DIP2C: variants seen among roughly 807,000 people sequenced by gnomAD.
The protein encoded by DIP2C is DIP2 acetate--CoA ligase C (putative).
DIP2C carries 33 observed loss-of-function variants against 192.4 expected under a neutral mutation model. The observed-to-expected ratio is 0.17, with a 90% CI of 0.13 to 0.23. The LOEUF is 0.23. Ranked by LOEUF, DIP2C falls within the 10% of genes least tolerant of loss-of-function variation. The pLI, the probability that DIP2C is intolerant of heterozygous loss-of-function variation, is 1.00. For synonymous variants in DIP2C, 979 were observed against 864.1 expected (o/e 1.13, Z -2.33); for missense variants, 1,537 against 2,110.1 (o/e 0.73, Z 5.32).
intron 18 of DIP2C, among the ~76,000 whole-genome samples, chr10:369,232 C>A (rs1331071754): frequency 6.6e-6 from 1 of 152,182 alleles, no homozygotes; most frequent in East Asian, 1.9e-4. Flanking sequence ...CTGCACTGGC[C>A]CCGAAGCCTT....
rs192938928 is a variant in DIP2C at position 504,863 on chromosome 10, C to T, written c.86-18333G>A. ...TCATTGCATGTCAAACCCTCAGCTC[C>T]AGCGGTGCTGACCCCGTCATACTCA... On this transcript the variant is annotated intron_variant, in intron 1 of 36. Coordinates refer to ENST00000280886, the MANE Select transcript of DIP2C (RefSeq NM_014974.3). Among the ~76,000 whole-genome samples the T allele has an allele frequency of 6.4e-4, 98 of 152,330 alleles. 1 individual carries two copies. Among genetic ancestry groups the T allele is most frequent in the African/African-American group, 2.2e-3 (93 of 41,576 alleles).
chr10:369,885 G>T, intron 17 of DIP2C: 1 of 1,370,954 alleles, frequency 7.3e-7, no homozygotes, highest in Non-Finnish European at 9.5e-7. Context: ...TACCAACGCA[G>T]CTCCTCTCCT....
intron 22 of DIP2C, among the ~76,000 whole-genome samples, chr10:359,642 C>T (rs754709815): frequency 1.3e-5 from 2 of 152,160 alleles, no homozygotes; most frequent in Admixed American, 6.5e-5. Flanking sequence ...GGAGCTGCCC[C>T]GTGGTGGGAA....
intron 1 of DIP2C, among the ~76,000 whole-genome samples, chr10:609,116 T>TCTA (rs1255895249): frequency 2.6e-5 from 4 of 151,934 alleles, no homozygotes; most frequent in Admixed American, 2.6e-4. Context: ...GACTCGCAGT[T>TCTA]CTAAATTTAA....
chr10:642,564 T>C (rs939325532), intron 1 of DIP2C, among the ~76,000 whole-genome samples: 2 of 152,238 alleles, frequency 1.3e-5, no homozygotes, highest in Admixed American at 6.5e-5. Flanking sequence ...CAACTAGTGA[T>C]AAATATCACT....
intron 28 of DIP2C, among the ~76,000 whole-genome samples, chr10:343,273 A>G (rs1304495192): frequency 6.6e-6 from 1 of 152,218 alleles, no homozygotes; most frequent in Non-Finnish European, 1.5e-5. Context: ...TGGGCAACAG[A>G]GCAAGACTCC....
intron 1 of DIP2C, among the ~76,000 whole-genome samples, chr10:670,752 T>G (rs759867148): frequency 2.0e-5 from 3 of 152,224 alleles, no homozygotes; most frequent in Non-Finnish European, 4.4e-5. Flanking sequence ...GTCACAGTCC[T>G]GACAGCTTTA....
intron 32 of DIP2C, among the ~76,000 whole-genome samples, chr10:298,555 T>A (rs1287985656): frequency 6.6e-6 from 1 of 152,178 alleles, no homozygotes; most frequent in Non-Finnish European, 1.5e-5. Flanking sequence ...ACTGCTGGCC[T>A]CATGGAGGGC....
chr10:494,349 G>A (rs1012347974), intron 1 of DIP2C, among the ~76,000 whole-genome samples: 10 of 152,116 alleles, frequency 6.6e-5, no homozygotes, highest in Admixed American at 2.6e-4. Flanking sequence ...TCAGAGGCGC[G>A]CAGTGACCTC....
In DIP2C at chr10:536,451, A is replaced by C. The variant is rs186876636; in HGVS notation, c.86-49921T>G. On this transcript the variant is annotated intron_variant, in intron 1 of 36. Transcript: ENST00000280886. ...GGGACGTCACAGTCCCGGGGGCTAGAGTTGTATCTATCTGCAAAGACCCTG... is the reference window on the plus strand; with the variant it reads ...GGGACGTCACAGTCCCGGGGGCTAGCGTTGTATCTATCTGCAAAGACCCTG... 1.3e-4 allele frequency among the ~76,000 whole-genome samples: 20 copies of C among 152,090 alleles called. No homozygotes were observed. In the East Asian group the frequency reaches 3.9e-3, roughly 29 times the overall value.
At chr10:635,533 C>G (rs974301821) in intron 1 of DIP2C, among the ~76,000 whole-genome samples, 1 of 152,210 alleles carries the variant, frequency 6.6e-6, no homozygotes, top group African/African-American at 2.4e-5. Flanking sequence ...GGGGCCTGGG[C>G]GAGGGCCTGC....
At chr10:547,035 G>T (rs976060297) in intron 1 of DIP2C, among the ~76,000 whole-genome samples, 3 of 152,294 alleles carry the variant, frequency 2.0e-5, no homozygotes, top group African/African-American at 7.2e-5. Context: ...TGGAAGAAGC[G>T]GTTCTGCAGG....
intron 34 of DIP2C, among the ~76,000 whole-genome samples, chr10:285,812 G>A (rs968621486): frequency 1.3e-5 from 2 of 152,256 alleles, no homozygotes; most frequent in Admixed American, 1.3e-4. Context: ...AGGCAAAGGT[G>A]TCAAGTTCCA....
At chr10:404,860 G>A (rs373237414) in intron 9 of DIP2C, among the ~76,000 whole-genome samples, 17 of 152,178 alleles carry the variant, frequency 1.1e-4, no homozygotes, top group South Asian at 4.1e-4. Context: ...CAAACTATCC[G>A]AGGTTTACAC....
chr10:516,070 G>A (rs568664328), intron 1 of DIP2C, among the ~76,000 whole-genome samples: 4 of 151,294 alleles, frequency 2.6e-5, no homozygotes, highest in South Asian at 4.2e-4. Context: ...CCACTTCCAC[G>A]ACGAGAGGAA....
At chr10:438,418 A>C (rs191392425) in intron 4 of DIP2C, among the ~76,000 whole-genome samples, 30 of 152,376 alleles carry the variant, frequency 2.0e-4, no homozygotes, top group Admixed American at 6.5e-4. Flanking sequence ...AGTTACACAA[A>C]GAACACATAC....
chr10:626,458 A>ACCCTCCGTCCCCCGTCCCCGGG (rs1564284036), intron 1 of DIP2C, among the ~76,000 whole-genome samples: 118 of 135,652 alleles, frequency 8.7e-4, no homozygotes, highest in African/African-American at 3.6e-3. Context: ...CCGTCCCCGG[A>ACCCTCCGTCCCCCGTCCCCGGG]GTTACCCTCC....
intron 1 of DIP2C, among the ~76,000 whole-genome samples, chr10:657,995 C>A (rs1185630083): frequency 6.9e-6 from 1 of 144,864 alleles, no homozygotes; most frequent in South Asian, 2.2e-4. Flanking sequence ...CTGGACCTGC[C>A]ACTGGACCTG....
chr10:519,423 G>A (rs1026250662), intron 1 of DIP2C, among the ~76,000 whole-genome samples: 8 of 152,040 alleles, frequency 5.3e-5, no homozygotes, highest in Non-Finnish European at 1.2e-4. Context: ...GCTGACCCAC[G>A]CAGCACGTTT....
Sources: gnomAD v4.1 joint callset for allele counts (sites outside exome capture counted in the v4.1 genomes callset) on GRCh38, gnomAD v4.1.1 for gene constraint, MANE v1.5 for transcripts, NCBI Gene and HGNC (gene_info 2026-07-23, HGNC 2026-07-21) for gene names.